ST6GAL1: variants seen among roughly 807,000 people sequenced by gnomAD.
The protein encoded by ST6GAL1 is beta-galactoside alpha-2,6-sialyltransferase 1.
A neutral mutation model predicts 38.0 loss-of-function variants in ST6GAL1; 20 were observed. That is an observed-to-expected ratio of 0.53 (90% CI 0.37 to 0.77). ST6GAL1 has a LOEUF of 0.77. Ranked by LOEUF, ST6GAL1 falls within the 30% of genes least tolerant of loss-of-function variation. The pLI, the probability that ST6GAL1 is intolerant of heterozygous loss-of-function variation, is 0.00. For synonymous variants in ST6GAL1, 196 were observed against 188.2 expected (o/e 1.04, Z -0.34); for missense variants, 432 against 496.4 (o/e 0.87, Z 1.23).
chr3:186,938,657 T>C (rs1170723663), intron 1 of ST6GAL1, among the ~76,000 whole-genome samples: 1 of 152,090 alleles, frequency 6.6e-6, no homozygotes, highest in African/African-American at 2.4e-5. Context: ...GAGAGAAAAA[T>C]GATCGTTCAC....
At chr3:186,964,372 A>G (rs1715027762) in intron 2 of ST6GAL1, 1 of 152,204 alleles carries the variant, frequency 6.6e-6, no homozygotes, top group Admixed American at 6.5e-5. Context: ...TTATTCCAAA[A>G]CATTCTGGGA....
chr3:187,040,695 A>C (rs1338602058), intron 3 of ST6GAL1, among the ~76,000 whole-genome samples: 1 of 152,208 alleles, frequency 6.6e-6, no homozygotes, highest in African/African-American at 2.4e-5. Flanking sequence ...TCATATGGTC[A>C]TGTGATTACC....
chr3:187,075,882 C>T lies in ST6GAL1; in HGVS notation c.*79C>T. The stretch of plus-strand genomic sequence containing the variant: ...ACCCCAGCCTGGGAAGAACATTTTC[C>T]TGAACAATTCCAGCCTGCTCCTTTT... On this transcript the variant is annotated 3_prime_UTR_variant, in exon 8 of 8. Coordinates refer to ENST00000169298, the MANE Select transcript of ST6GAL1 (RefSeq NM_173216.2). The surrounding 1 kb of genome is among the most constrained non-coding windows in gnomAD (Gnocchi z 4.1). 1.3e-6 allele frequency: 2 copies of T among 1,576,614 alleles called. No homozygotes were observed. Among genetic ancestry groups the T allele is most frequent in the Admixed American group, 1.7e-5 (1 of 57,688 alleles).
intron 5 of ST6GAL1, among the ~76,000 whole-genome samples, chr3:187,065,997 C>T (rs533060423): frequency 6.6e-6 from 1 of 151,816 alleles, no homozygotes; most frequent in African/African-American, 2.4e-5. Context: ...GCCACCAGCA[C>T]TTTAAATCAC....
intron 1 of ST6GAL1, among the ~76,000 whole-genome samples, chr3:186,955,156 T>G (rs1316043514): frequency 6.6e-6 from 1 of 152,220 alleles, no homozygotes; most frequent in Non-Finnish European, 1.5e-5. Context: ...TGTGGTCTTA[T>G]TTCTGAGATC....
At chr3:187,043,355 T>G in intron 4 of ST6GAL1, 45 bp downstream of exon 4, 13 of 1,576,152 alleles carry the variant, frequency 8.2e-6, no homozygotes, top group Non-Finnish European at 1.0e-5. Context: ...TTATTGGGAC[T>G]GGCTGGGCAT....
chr3:187,025,936 A>T (rs1246866042), intron 2 of ST6GAL1, among the ~76,000 whole-genome samples: 1 of 152,188 alleles, frequency 6.6e-6, no homozygotes, highest in African/African-American at 2.4e-5. Context: ...CTGGGAAAAG[A>T]TGTAATCTCT....
chr3:187,005,269 C>CTTTTTTTT (rs58085172), intron 2 of ST6GAL1, among the ~76,000 whole-genome samples: 3 of 103,952 alleles, frequency 2.9e-5, no homozygotes, highest in Non-Finnish European at 6.0e-5. Context: ...TTTTCTTTTT[C>CTTTTTTTT]TTTTTTTTTT....
In ST6GAL1 at chr3:187,071,776, C is replaced by CAAAAA. The variant is rs11330261; in HGVS notation, c.706-1058_706-1054dup. Among the ~76,000 whole-genome samples, 536 of 72,256 alleles carry CAAAAA rather than the reference C, an allele frequency of 7.4e-3. 27 individuals are homozygous for CAAAAA. The East Asian group carries it at 0.17, about 23-fold the overall frequency. 47.4% of individuals were successfully genotyped at this position (72,256 alleles called of 152,430 possible). ...GTCGCCTTTTTTTGAGACTCCGCCT[C>CAAAAA]AAAAAAAAAAAAAAAAAAAGAAAAA... On this transcript the variant is annotated intron_variant, in intron 5 of 7. Coordinates refer to ENST00000169298, the MANE Select transcript of ST6GAL1 (RefSeq NM_173216.2).
chr3:186,937,312 C>A, intron 1 of ST6GAL1, among the ~76,000 whole-genome samples: 1 of 152,248 alleles, frequency 6.6e-6, no homozygotes, highest in East Asian at 1.9e-4. Context: ...ATTTCAGGAG[C>A]CTCCAACTGC....
intron 2 of ST6GAL1, among the ~76,000 whole-genome samples, chr3:187,003,592 T>C (rs1401857469): frequency 6.6e-6 from 1 of 152,246 alleles, no homozygotes; most frequent in Non-Finnish European, 1.5e-5. Flanking sequence ...TAAAAAGTCT[T>C]GCCTATCTTT....
chr3:186,984,757 TCCC>T (rs1715822045), intron 2 of ST6GAL1, among the ~76,000 whole-genome samples: 1 of 49,180 alleles, frequency 2.0e-5, no homozygotes, highest in Non-Finnish European at 3.8e-5. Context: ...CCTCCCTCCC[TCCC>T]TCCCTCCTTC....
At chr3:186,997,021 T>C in intron 2 of ST6GAL1, among the ~76,000 whole-genome samples, 1 of 151,962 alleles carries the variant, frequency 6.6e-6, no homozygotes, top group Admixed American at 6.6e-5. Flanking sequence ...ACACTGTGCT[T>C]TGGCTGTGTT....
chr3:186,990,650 CTTT>C (rs111805405), intron 2 of ST6GAL1, among the ~76,000 whole-genome samples: 18 of 129,540 alleles, frequency 1.4e-4, no homozygotes, highest in Admixed American at 2.4e-4. Flanking sequence ...ACAGGATGTT[CTTT>C]TTTTTTTTTT....
At position 187,051,099 on chromosome 3, in the gene ST6GAL1, C is replaced by T. The variant is rs1340883699; in HGVS notation, c.608-150C>T. On this transcript the variant is annotated intron_variant, in intron 4 of 7. Coordinates refer to ENST00000169298, the MANE Select transcript of ST6GAL1 (RefSeq NM_173216.2). ...GCCTAGGAGCTTTACCTGAGCACCA[C>T]ACAAATACTGCCATTTCGCCCTGTG... 5.9e-6 allele frequency: 4 copies of T among 678,654 alleles called. No individual in the cohort carries two copies. In the East Asian group the frequency reaches 8.3e-5, roughly 14 times the overall value. The allele number at this position is 678,654 out of a possible 1,614,324, so 42.0% of individuals were successfully genotyped here.
chr3:187,033,037 GT>G (rs1439380620), intron 2 of ST6GAL1, among the ~76,000 whole-genome samples: 11 of 152,374 alleles, frequency 7.2e-5, no homozygotes, highest in African/African-American at 2.6e-4. Context: ...TGTGCACCAA[GT>G]TGATACACAA....
At chr3:186,945,147 T>C (rs891432061) in intron 1 of ST6GAL1, among the ~76,000 whole-genome samples, 2 of 151,936 alleles carry the variant, frequency 1.3e-5, no homozygotes, top group African/African-American at 4.8e-5. Context: ...AGCGAGACCC[T>C]AATGAAAATC....
chr3:187,046,625 G>A (rs1718307105), intron 4 of ST6GAL1, among the ~76,000 whole-genome samples: 1 of 152,238 alleles, frequency 6.6e-6, no homozygotes. Context: ...GGGGGATGGA[G>A]TTTGAGGGAT....
chr3:187,043,175 T>G lies in ST6GAL1; in HGVS notation c.472T>G (p.Phe158Val). ...TGTATCCATGGTAGAGGTCACAGAT[T>G]TTCCCTTCAATACCTCTGAATGGGA... ...VNVSMVEVTDFPFNTSEWEGY... is the reference protein window; with the variant it reads ...VNVSMVEVTDVPFNTSEWEGY... Residue 158 changes from phenylalanine to valine, a missense_variant, in exon 4 of 8, where the codon TTT becomes GTT. Transcript: ENST00000169298. 6.2e-7 allele frequency: 1 copy of G among 1,614,192 alleles called. No individual in the cohort carries two copies. The highest frequency in any genetic ancestry group is 8.5e-7 in the Non-Finnish European group (1 of 1,180,024).
Sources: gnomAD v4.1 joint callset for allele counts (sites outside exome capture counted in the v4.1 genomes callset) on GRCh38, gnomAD v4.1.1 for gene constraint, Gnocchi (gnomAD v3.1) non-coding constraint, MANE v1.5 for transcripts, NCBI Gene and HGNC (gene_info 2026-07-23, HGNC 2026-07-21) for gene names.